Variants in DLL1 observed in about 807,000 individuals in gnomAD.
DLL1 encodes the protein delta like canonical Notch ligand 1.
DLL1 carries 9 observed loss-of-function variants against 75.1 expected under a neutral mutation model. That is an observed-to-expected ratio of 0.12 (90% CI 0.07 to 0.21). DLL1 has a LOEUF of 0.21. Ranked by LOEUF, DLL1 falls within the 10% of genes least tolerant of loss-of-function variation. The pLI is 1.00. For missense variants in DLL1, 837 were observed against 1,007.6 expected (o/e 0.83, Z 2.29); for synonymous variants, 477 against 418.3 (o/e 1.14, Z -1.71).
At chr6:170,283,141 A>G (rs1783600239) in intron 9 of DLL1, 36 bp from the exon 10 acceptor site, 6 of 1,613,828 alleles carry the variant, frequency 3.7e-6, no homozygotes, top group Non-Finnish European at 5.1e-6. Flanking sequence ...CAATGAATGC[A>G]TGAGAACATT....
Position 170,282,338 on chromosome 6 carries a change from A to G in DLL1, c.*536T>C, listed in dbSNP as rs1335057277. On this transcript the variant is annotated 3_prime_UTR_variant, in exon 11 of 11. Transcript: ENST00000366756. ...TTTATATACAAAAAAATATAGTCAC[A>G]TAGACCCGAAGTGCCTTTGTACATA... 6.3e-6 allele frequency: 1 copy of G among 158,932 alleles called. No individual in the cohort carries two copies. Among genetic ancestry groups the G allele is most frequent in the Non-Finnish European group, 1.4e-5 (1 of 71,748 alleles). The allele number at this position is 158,932 out of a possible 1,614,324, so 9.8% of individuals were successfully genotyped here.
chr6:170,284,032 G>A lies in DLL1; in HGVS notation c.1250-3C>T, dbSNP rs201816034. The A allele has an allele frequency of 2.6e-6, 4 of 1,563,630 alleles. No homozygotes were observed. Among genetic ancestry groups the A allele is most frequent in the Admixed American group, 3.7e-5 (2 of 54,466 alleles). On this transcript the variant is annotated splice_polypyrimidine_tract_variant and splice_region_variant and intron_variant, in intron 8 of 10. Transcript: ENST00000366756. The stretch of plus-strand genomic sequence containing the variant: ...ACCGAGGTCCACACACTTGGCACCT[G>A]GAACACAGGGACATGAACATCACGT...
At position 170,282,601 on chromosome 6, in the gene DLL1, T is replaced by G; in HGVS notation, c.*273A>C. On this transcript the variant is annotated 3_prime_UTR_variant, in exon 11 of 11. Transcript: ENST00000366756. ...GCAGTGCATGCTTCTTATGCGTAAT[T>G]CAGTTCACCCATTTAAATATATATT... 8.4e-6 allele frequency: 5 copies of G among 596,168 alleles called. No homozygotes were observed. The highest frequency in any genetic ancestry group is 1.5e-5 in the Non-Finnish European group (5 of 335,112). 36.9% of individuals were successfully genotyped at this position (596,168 alleles called of 1,614,324 possible). A position where few individuals can be genotyped will look rare whatever the true frequency, so the allele number is the denominator to read the frequency against.
At chr6:170,288,536 A>C (rs960300786) in intron 3 of DLL1, 40 bp from the exon 4 acceptor site, 3 of 1,613,818 alleles carry the variant, frequency 1.9e-6, no homozygotes, top group Non-Finnish European at 2.5e-6. Context: ...CTGAACGAGA[A>C]CCCTGTGACT....
In DLL1 at chr6:170,285,557, G is replaced by A. The variant is rs771694207; in HGVS notation, c.862+12C>T. On this transcript the variant is annotated intron_variant, in intron 6 of 10. Transcript: ENST00000366756. ...TGGAGGGAGCAGGCTGCCTCAGGGA[G>A]AGAAGGCTTACCCTGGTTGCAGAAA... 2.5e-6 allele frequency: 4 copies of A among 1,614,188 alleles called. No homozygotes were observed. Among genetic ancestry groups the A allele is most frequent in the Non-Finnish European group, 3.4e-6 (4 of 1,180,028 alleles).
chr6:170,282,757 T>A lies in DLL1; in HGVS notation c.*117A>T. On this transcript the variant is annotated 3_prime_UTR_variant, in exon 11 of 11. Transcript: ENST00000366756. The stretch of plus-strand genomic sequence containing the variant: ...GAGAACCTGCTCGGTCTGAACTCGG[T>A]TTCTCAGCAGCAGTCCACGAGGCCT... The A allele has an allele frequency of 1.3e-6, 2 of 1,560,938 alleles. No homozygotes were observed. The highest frequency in any genetic ancestry group is 1.8e-6 in the Non-Finnish European group (2 of 1,133,352).
In DLL1 at chr6:170,288,927, G is replaced by A. The variant is rs553709094; in HGVS notation, c.352-138C>T. 3 of 910,032 alleles carry A rather than the reference G, an allele frequency of 3.3e-6. No individual in the cohort carries two copies. The African/African-American group carries it at 4.9e-5, about 15-fold the overall frequency. The allele number at this position is 910,032 out of a possible 1,614,324, so 56.4% of individuals were successfully genotyped here. On this transcript the variant is annotated intron_variant, in intron 2 of 10. Transcript: ENST00000366756. ...GTCTGGGGCAGCGTGTCTGGAGAGG[G>A]TCTCCACGCACCTCCTGCCTGCTCT... is the stretch of plus-strand genomic sequence containing the variant.
In DLL1 at chr6:170,283,327, T is replaced by A. The variant is rs1266599690; in HGVS notation, c.1952A>T (p.Asp651Val). Residue 651 changes from aspartate (D) to valine (V), a missense_variant, in exon 9 of 11, where the codon GAC (aspartate) becomes GTC (valine). Asp to Val is a radical substitution (Grantham distance 152). Transcript: ENST00000366756. ...GCTGTGCGCGTCCCTGACGGCGGTG[T>A]CGTCACCCTTGAGGTCCTGCACGAG... ...YNLVQDLKGD[D>V]TAVRDAHSKR... 1 of 1,612,932 alleles carries A rather than the reference T, an allele frequency of 6.2e-7. No homozygotes were observed. The highest frequency in any genetic ancestry group is 1.3e-5 in the African/African-American group (1 of 74,928).
rs1184056615 is a variant in DLL1, at chr6:170,290,443, G to C, written c.-304C>G. The C allele has an allele frequency of 2.7e-6, 1 of 376,776 alleles. No individual in the cohort carries two copies. The highest frequency in any genetic ancestry group is 4.7e-6 in the Non-Finnish European group (1 of 211,448). 23.3% of individuals were successfully genotyped at this position (376,776 alleles called of 1,614,324 possible). On this transcript the variant is annotated 5_prime_UTR_variant, in exon 1 of 11. Transcript: ENST00000366756. This position sits in a 1 kb window ranked among gnomAD's most constrained non-coding sequence, Gnocchi z 4.7. ...GTTTTCCTCCTTCCTCCCAGCCCCCGAGGAGGTGAGGGTCGCCGGCTTCCT... is the reference window on the plus strand; with the variant it reads ...GTTTTCCTCCTTCCTCCCAGCCCCCCAGGAGGTGAGGGTCGCCGGCTTCCT...
intron 3 of DLL1, 31 bp from the exon 4 acceptor site, chr6:170,288,527 TGAACGA>T: frequency 6.2e-7 from 1 of 1,614,114 alleles, no homozygotes; most frequent in African/African-American, 1.3e-5. Flanking sequence ...TGGTTGGTTC[TGAACGA>T]GAACCCTGTG....
chr6:170,288,196 G>A lies in DLL1; in HGVS notation c.670+43C>T, dbSNP rs374317877. 1.3e-5 allele frequency: 21 copies of A among 1,613,338 alleles called. No homozygotes were observed. In the African/African-American group the frequency reaches 2.7e-4, roughly 20 times the overall value. On this transcript the variant is annotated intron_variant, in intron 4 of 10. Transcript: ENST00000366756. ...AGCCCCGTCCCTGCGCGCGGTCCGT[G>A]TTCGTGGACGAGTGAGCCAGCGGTG...
rs201577605 is a variant in DLL1 at position 170,284,947 on chromosome 6, G to A, written c.1221C>T (p.Asp407=). Residue 407 remains aspartate, a synonymous_variant, in exon 8 of 11, where the codon GAC becomes GAT. Transcript: ENST00000366756. ...TAGAACAGGGTGAAGAGCTGCAGTA[G>A]TCAATTTTCTTCTCACAGTTGAAGC... ...YSGFNCEKKI[D]YCSSSPCSNG... is the part of the protein sequence containing the mutation. The A allele has an allele frequency of 8.2e-5, 133 of 1,614,078 alleles. No individual in the cohort carries two copies. The highest frequency in any genetic ancestry group is 1.1e-4 in the Non-Finnish European group (127 of 1,180,038).
At chr6:170,289,994 C>T in intron 1 of DLL1, 92 bp downstream of exon 1, 1 of 1,347,258 alleles carries the variant, frequency 7.4e-7, no homozygotes, top group Non-Finnish European at 9.5e-7. Context: ...GCGGCCCGTG[C>T]CGCTGTCCGC....
At position 170,289,660 on chromosome 6, in the gene DLL1, T is replaced by A. The variant is rs1468402480; in HGVS notation, c.203A>T (p.Gln68Leu). ...TFFRVCLKHY[Q>L]ASVSPEPPCT... ...GGGCGGCTCGGGGGACACGCTGGCC[T>A]GGTAGTGCTTGAGGCACACGCGGAA... The change falls in exon 2 of 11, where the codon CAG becomes CTG. Residue 68 changes from glutamine to leucine, a missense_variant. This residue lies in a region of DLL1 where 304 missense variants were observed against 461.9 expected (regional missense o/e 0.66). Transcript: ENST00000366756. 1 of 1,542,294 alleles carries A rather than the reference T, an allele frequency of 6.5e-7. No individual in the cohort carries two copies. Among genetic ancestry groups the A allele is most frequent in the Non-Finnish European group, 8.7e-7 (1 of 1,146,438 alleles).
chr6:170,286,080 CAT>C (rs966774860), intron 5 of DLL1, among the ~76,000 whole-genome samples, 156 bp downstream of exon 5: 3 of 152,342 alleles, frequency 2.0e-5, no homozygotes, highest in Admixed American at 2.0e-4. Context: ...TGCTGCCAAA[CAT>C]TGATTAAGTA....
In DLL1 at chr6:170,288,472, C is replaced by A. The variant is rs1450683901; in HGVS notation, c.437G>T (p.Arg146Leu). The A allele has an allele frequency of 6.2e-7, 1 of 1,614,074 alleles. No homozygotes were observed. Among genetic ancestry groups the A allele is most frequent in the Admixed American group, 1.7e-5 (1 of 60,028 alleles). ...ATENPERLIS[R>L]LATQRHLTVG... ...CGTCAGGTGCCTCTGGGTGGCCAGG[C>A]GGCTGATGAGTCTTTCTGGGTTTTC... Residue 146 changes from arginine to leucine, a missense_variant, in exon 4 of 11, where the codon CGC becomes CTC. Transcript: ENST00000366756.
At position 170,289,639 on chromosome 6, in the gene DLL1, G is replaced by A. The variant is rs1783803246; in HGVS notation, c.224C>T (p.Pro75Leu). ...KHYQASVSPEPPCTYGSAVTP... is the reference protein window; with the variant it reads ...KHYQASVSPELPCTYGSAVTP... ...GACGGCGCTGCCGTAGGTGCAGGGCGGCTCGGGGGACACGCTGGCCTGGTA... is the reference window on the plus strand; with the variant it reads ...GACGGCGCTGCCGTAGGTGCAGGGCAGCTCGGGGGACACGCTGGCCTGGTA... The change falls in exon 2 of 11, where the codon CCG (proline) becomes CTG (leucine). Residue 75 changes from proline (P) to leucine (L), a missense_variant. Pro to Leu is a moderately conservative substitution (Grantham distance 98). Transcript: ENST00000366756. The A allele has an allele frequency of 1.9e-6, 3 of 1,538,586 alleles. No individual in the cohort carries two copies. The highest frequency in any genetic ancestry group is 2.0e-5 in the Admixed American group (1 of 50,944).
chr6:170,285,882 T>C (rs1323242279), intron 5 of DLL1, among the ~76,000 whole-genome samples, 183 bp from the exon 6 acceptor site: 2 of 152,206 alleles, frequency 1.3e-5, no homozygotes, highest in African/African-American at 4.8e-5. Flanking sequence ...TTCTGGCTTC[T>C]TGGGTGTTAG....
At chr6:170,287,521 G>A (rs1461759008) in intron 4 of DLL1, among the ~76,000 whole-genome samples, 1 of 152,230 alleles carries the variant, frequency 6.6e-6, no homozygotes, top group Non-Finnish European at 1.5e-5. Flanking sequence ...CCCCAACCCT[G>A]CCCTAGTCAC....
Sources: allele counts gnomAD v4.1 joint callset (sites outside exome capture counted in the v4.1 genomes callset), GRCh38; gene constraint gnomAD v4.1.1; regional missense constraint gnomAD v4.1.1; non-coding constraint Gnocchi (gnomAD v3.1); transcripts MANE v1.5; gene names NCBI Gene and HGNC (gene_info 2026-07-23, HGNC 2026-07-21).